GAS7: variants seen among roughly 807,000 people sequenced by gnomAD.
The protein encoded by GAS7 is growth arrest specific 7.
In GAS7, 28 loss-of-function variants were observed where a neutral mutation model predicts 71.1. That is an observed-to-expected ratio of 0.39 (90% CI 0.29 to 0.54). GAS7 has a LOEUF of 0.54. GAS7 is among the 20% of genes least tolerant of loss of function. GAS7 has a pLI of 0.62. For synonymous variants in GAS7, 258 were observed against 245.8 expected (o/e 1.05, Z -0.46); for missense variants, 436 against 627.8 (o/e 0.69, Z 3.27).
intron 1 of GAS7, among the ~76,000 whole-genome samples, chr17:10,173,078 C>T (rs1007490647): frequency 1.3e-5 from 2 of 152,156 alleles, no homozygotes; most frequent in Admixed American, 6.5e-5. Context: ...AAACCAAATA[C>T]GAAGTCCACC....
chr17:10,091,687 G>A (rs1040816067), intron 1 of GAS7, among the ~76,000 whole-genome samples: 1 of 151,848 alleles, frequency 6.6e-6, no homozygotes, highest in African/African-American at 2.4e-5. Context: ...CGCCCAGCTG[G>A]GGTTTTGTTT....
chr17:10,009,689 AC>A (rs376871512), intron 2 of GAS7, among the ~76,000 whole-genome samples: 1,514 of 146,820 alleles, frequency 0.01, 52 homozygotes, highest in African/African-American at 0.037. Context: ...AAAAAAAAAA[AC>A]CAAACAAAAA....
At chr17:10,163,230 C>A (rs2142121372) in intron 1 of GAS7, among the ~76,000 whole-genome samples, 1 of 152,242 alleles carries the variant, frequency 6.6e-6, no homozygotes, top group South Asian at 2.1e-4. Flanking sequence ...CCTGCCTCAG[C>A]CTCCTGAGGA....
intron 4 of GAS7, among the ~76,000 whole-genome samples, chr17:9,960,802 T>C (rs190005996): frequency 8.5e-5 from 13 of 152,330 alleles, no homozygotes; most frequent in East Asian, 1.9e-4. Flanking sequence ...TCAGGAAAAC[T>C]GATATCCTTA....
At chr17:9,982,606 G>A (rs533427263) in intron 2 of GAS7, among the ~76,000 whole-genome samples, 6 of 152,032 alleles carry the variant, frequency 3.9e-5, no homozygotes, top group African/African-American at 1.4e-4. Flanking sequence ...GTGAAACCCT[G>A]TCTCTACTAA....
At chr17:10,179,104 C>T (rs964265253) in intron 1 of GAS7, among the ~76,000 whole-genome samples, 13 of 151,906 alleles carry the variant, frequency 8.6e-5, no homozygotes, top group Non-Finnish European at 5.9e-5. Flanking sequence ...CTGAGGTGGG[C>T]GGATCACCTG....
chr17:10,019,949 T>A (rs762128601), intron 1 of GAS7, 52 bp from the exon 2 acceptor site: 1 of 1,585,372 alleles, frequency 6.3e-7, no homozygotes, highest in Admixed American at 1.7e-5. Flanking sequence ...TTGCAAGAGT[T>A]TTTAAACCAG....
intron 2 of GAS7, among the ~76,000 whole-genome samples, chr17:10,017,573 C>A (rs551139283): frequency 6.6e-6 from 1 of 152,220 alleles, no homozygotes; most frequent in Non-Finnish European, 1.5e-5. Flanking sequence ...AAGTGATCCA[C>A]CTGCCTCGGC....
intron 11 of GAS7, among the ~76,000 whole-genome samples, chr17:9,921,876 A>G (rs1386920163): frequency 6.6e-6 from 1 of 150,774 alleles, no homozygotes; most frequent in African/African-American, 2.4e-5. Context: ...GGAGAATGGC[A>G]TGAACCAGGG....
At chr17:9,971,616 G>A (rs1047192432) in intron 3 of GAS7, among the ~76,000 whole-genome samples, 3 of 152,112 alleles carry the variant, frequency 2.0e-5, no homozygotes, top group Non-Finnish European at 2.9e-5. Flanking sequence ...CTTTGCTTTT[G>A]TTCCTGAATT....
At chr17:10,066,360 A>G (rs1224553517) in intron 1 of GAS7, among the ~76,000 whole-genome samples, 3 of 152,192 alleles carry the variant, frequency 2.0e-5, no homozygotes, top group African/African-American at 7.2e-5. Flanking sequence ...TTGTATTTTT[A>G]GGAGAGATGG....
At chr17:10,128,543 G>T (rs1425912930) in intron 1 of GAS7, among the ~76,000 whole-genome samples, 1 of 151,910 alleles carries the variant, frequency 6.6e-6, no homozygotes, top group Non-Finnish European at 1.5e-5. Flanking sequence ...ATAAAACCCA[G>T]CATTTCATTA....
At chr17:10,073,827 C>T (rs771303981) in intron 1 of GAS7, among the ~76,000 whole-genome samples, 6 of 152,232 alleles carry the variant, frequency 3.9e-5, no homozygotes, top group Non-Finnish European at 7.3e-5. Flanking sequence ...GCTGCAGCTA[C>T]TTCCTCAGTT....
At chr17:10,027,252 ATGAATGAG>A (rs1239858203) in intron 1 of GAS7, among the ~76,000 whole-genome samples, 1 of 149,300 alleles carries the variant, frequency 6.7e-6, no homozygotes, top group African/African-American at 2.6e-5. Flanking sequence ...GAATGAATGA[ATGAATGAG>A]TGAATGAAAA....
chr17:10,142,925 C>T (rs2074093894), intron 1 of GAS7, among the ~76,000 whole-genome samples: 1 of 151,928 alleles, frequency 6.6e-6, no homozygotes, highest in Admixed American at 6.6e-5. Context: ...AATCCCCGCA[C>T]TTTGGGAGGC....
intron 2 of GAS7, among the ~76,000 whole-genome samples, chr17:10,017,511 T>G (rs1489952779): frequency 6.6e-6 from 1 of 152,086 alleles, no homozygotes; most frequent in African/African-American, 2.4e-5. Flanking sequence ...ATATTTTTAG[T>G]AGAGACGGGG....
At chr17:10,067,399 C>G (rs2073293148) in intron 1 of GAS7, among the ~76,000 whole-genome samples, 1 of 152,124 alleles carries the variant, frequency 6.6e-6, no homozygotes, top group South Asian at 2.1e-4. Context: ...CGCATGCCAC[C>G]ACACCTGGCT....
chr17:10,166,011 CT>C (rs11356429), intron 1 of GAS7, among the ~76,000 whole-genome samples: 19,632 of 143,060 alleles, frequency 0.14, 1,442 homozygotes, highest in East Asian at 0.35. Context: ...TTTTCTTTTT[CT>C]TTTTTTTTTT....
At chr17:10,035,575 G>A (rs945078588) in intron 1 of GAS7, among the ~76,000 whole-genome samples, 86 of 152,240 alleles carry the variant, frequency 5.6e-4, no homozygotes, top group African/African-American at 1.9e-3. Flanking sequence ...CCAGGGAGGT[G>A]GGAGAGCATA....
Sources: gnomAD v4.1 joint callset for allele counts (sites outside exome capture counted in the v4.1 genomes callset) on GRCh38, gnomAD v4.1.1 for gene constraint, MANE v1.5 for transcripts, NCBI Gene and HGNC (gene_info 2026-07-23, HGNC 2026-07-21) for gene names.